Variants in CBLB observed in about 807,000 individuals in gnomAD.
The protein encoded by CBLB is Cbl proto-oncogene B, also known as E3 ubiquitin-protein ligase CBL-B.
CBLB carries 31 observed loss-of-function variants against 104.9 expected under a neutral mutation model. The ratio of observed to expected loss-of-function variants is 0.30; its 90% CI spans 0.22 to 0.40. CBLB has a LOEUF of 0.40. CBLB is among the 10% of genes least tolerant of loss of function. CBLB has a pLI of 1.00. For missense variants in CBLB, 1,062 were observed against 1,214.6 expected (o/e 0.87, Z 1.87); for synonymous variants, 440 against 422.6 (o/e 1.04, Z -0.51).
intron 2 of CBLB, among the ~76,000 whole-genome samples, chr3:105,861,503 G>A (rs1174602439): frequency 3.3e-5 from 5 of 151,436 alleles, no homozygotes; most frequent in African/African-American, 7.3e-5. Flanking sequence ...ACATTTATTC[G>A]CCAAGATTAA....
chr3:105,852,874 C>T (rs779903483), intron 3 of CBLB, among the ~76,000 whole-genome samples: 1 of 152,070 alleles, frequency 6.6e-6, no homozygotes, highest in Non-Finnish European at 1.5e-5. Context: ...TGTGCCACCA[C>T]GCCGGGCTAA....
At chr3:105,836,524 G>A (rs1166573281) in intron 3 of CBLB, among the ~76,000 whole-genome samples, 1 of 152,132 alleles carries the variant, frequency 6.6e-6, no homozygotes, top group African/African-American at 2.4e-5. Context: ...GTTTATCTTA[G>A]GGCTGGGTTT....
chr3:105,843,600 T>C (rs1234949916), intron 3 of CBLB, among the ~76,000 whole-genome samples: 4 of 152,004 alleles, frequency 2.6e-5, no homozygotes, highest in African/African-American at 7.2e-5. Flanking sequence ...GTAAGAATGT[T>C]AAAAAAAGGT....
At chr3:105,734,969 G>T (rs1230541341) in intron 8 of CBLB, among the ~76,000 whole-genome samples, 1 of 151,720 alleles carries the variant, frequency 6.6e-6, no homozygotes, top group Non-Finnish European at 1.5e-5. Flanking sequence ...TGGTAAATTT[G>T]AAAAAATACA....
In CBLB at chr3:105,702,089, C is replaced by A. The variant is rs2069212991; in HGVS notation, c.1959+5G>T. ...TCTCTAGCTTCTGCTTTGCGTATTTCTTACCTTAGCTCCTTCTAAAGGCAA... is the reference window on the plus strand; with the variant it reads ...TCTCTAGCTTCTGCTTTGCGTATTTATTACCTTAGCTCCTTCTAAAGGCAA... On this transcript the variant is annotated splice_donor_5th_base_variant and intron_variant, in intron 12 of 18. Coordinates refer to ENST00000394030, the MANE Select transcript of CBLB (RefSeq NM_170662.5). 1.9e-6 allele frequency: 3 copies of A among 1,613,950 alleles called. No individual in the cohort carries two copies. In the African/African-American group the frequency reaches 4.0e-5, roughly 22 times the overall value.
intron 5 of CBLB, among the ~76,000 whole-genome samples, chr3:105,748,069 G>C (rs908014072): frequency 6.6e-6 from 1 of 152,032 alleles, no homozygotes; most frequent in Non-Finnish European, 1.5e-5. Context: ...AAAGTATTTC[G>C]ACAACTACTG....
chr3:105,736,366 T>C lies in CBLB; in HGVS notation c.1071+805A>G, dbSNP rs75395673. 3.0e-4 allele frequency among the ~76,000 whole-genome samples: 46 copies of C among 152,224 alleles called. No individual in the cohort carries two copies. In the East Asian group the frequency reaches 8.9e-3, roughly 29 times the overall value. ...TTAATTAATTATTTCCTTACAGAAG[T>C]TGAACGTACATAATGCAACTTGACC... On this transcript the variant is annotated intron_variant, in intron 8 of 18. Coordinates refer to ENST00000394030, the MANE Select transcript of CBLB (RefSeq NM_170662.5).
chr3:105,693,524 G>A lies in CBLB; in HGVS notation c.2024C>T (p.Pro675Leu). The A allele has an allele frequency of 1.9e-6, 3 of 1,612,432 alleles. No individual in the cohort carries two copies. Among genetic ancestry groups the A allele is most frequent in the Non-Finnish European group, 2.5e-6 (3 of 1,178,660 alleles). ...YDVPPRLSPP[P>L]PVTTLLPSIK... Reference sequence around the variant, plus strand: ...GCTAGGGAGGAGGGTGGTAACTGGAGGAGGAGGAGAAAGCCGGGGAGGAAC... The same window carrying A: ...GCTAGGGAGGAGGGTGGTAACTGGAAGAGGAGGAGAAAGCCGGGGAGGAAC... The change falls in exon 13 of 19, where the codon CCT (proline) becomes CTT (leucine). Residue 675 changes from proline (P) to leucine (L), a missense_variant. By Grantham distance (98) the Pro-to-Leu change is moderately conservative (BLOSUM62 -3). Around this residue, in one of 2 missense-constraint regions of CBLB, gnomAD observed 605 missense variants for 582.6 expected, o/e 1.04. Transcript: ENST00000394030.
intron 14 of CBLB, chr3:105,682,058 C>A (rs557804699): frequency 2.1e-6 from 1 of 482,184 alleles, no homozygotes; most frequent in Non-Finnish European, 3.7e-6. Context: ...ATTACAAGGG[C>A]CACAAAAATT....
intron 12 of CBLB, among the ~76,000 whole-genome samples, chr3:105,700,261 T>C (rs1051774659): frequency 2.6e-5 from 4 of 152,116 alleles, no homozygotes; most frequent in Non-Finnish European, 5.9e-5. Context: ...TATAATAGCA[T>C]TAAAACTATA....
At chr3:105,671,014 A>G (rs1013086035) in intron 17 of CBLB, 21 of 177,546 alleles carry the variant, frequency 1.2e-4, no homozygotes, top group Admixed American at 6.3e-5. Flanking sequence ...AAAATGTGAT[A>G]ATTTACCACC....
intron 18 of CBLB, among the ~76,000 whole-genome samples, chr3:105,667,301 C>T (rs976373252): frequency 7.6e-4 from 1 of 1,324 alleles, no homozygotes. Context: ...ATTAATACAG[C>T]CTTTTAGTTT....
intron 3 of CBLB, among the ~76,000 whole-genome samples, chr3:105,780,067 G>C (rs1443407495): frequency 6.6e-6 from 1 of 151,612 alleles, no homozygotes; most frequent in Admixed American, 6.6e-5. Context: ...TGGTCAGGCT[G>C]GTCTCAAACT....
intron 9 of CBLB, among the ~76,000 whole-genome samples, chr3:105,725,834 ATTTAT>A (rs2073539099): frequency 6.6e-6 from 1 of 151,756 alleles, no homozygotes; most frequent in Non-Finnish European, 1.5e-5. Flanking sequence ...AGAGTAAAAC[ATTTAT>A]TTTATTTTAT....
At chr3:105,808,823 A>T (rs969357150) in intron 3 of CBLB, among the ~76,000 whole-genome samples, 4 of 152,226 alleles carry the variant, frequency 2.6e-5, no homozygotes, top group Non-Finnish European at 5.9e-5. Context: ...GCTTTCCTGT[A>T]ACAGTTTTTA....
At chr3:105,838,667 CTTT>C (rs58426302) in intron 3 of CBLB, among the ~76,000 whole-genome samples, 4 of 137,338 alleles carry the variant, frequency 2.9e-5, no homozygotes, top group Non-Finnish European at 3.2e-5. Flanking sequence ...ATGTATCCTT[CTTT>C]TTTTTTTTTT....
At position 105,835,211 on chromosome 3, in the gene CBLB, T is replaced by C. The variant is rs912958760; in HGVS notation, c.419+18203A>G. The stretch of plus-strand genomic sequence containing the variant: ...GCTTTCAGTTATGAATGTATTTTCC[T>C]ATATCATGAATAGTTCTAAAAACGA... On this transcript the variant is annotated intron_variant, in intron 3 of 18. Transcript: ENST00000394030. Among the ~76,000 whole-genome samples, 6 of 152,222 alleles carry C rather than the reference T, an allele frequency of 3.9e-5. 1 individual carries two copies. The highest frequency in any genetic ancestry group is 1.4e-4 in the African/African-American group (6 of 41,452).
At chr3:105,701,325 T>A (rs1476103794) in intron 12 of CBLB, among the ~76,000 whole-genome samples, 1 of 152,204 alleles carries the variant, frequency 6.6e-6, no homozygotes, top group Non-Finnish European at 1.5e-5. Flanking sequence ...TGGTTTAGTG[T>A]TTTTAAGTAT....
intron 2 of CBLB, among the ~76,000 whole-genome samples, chr3:105,860,338 A>C (rs1164619782): frequency 6.6e-6 from 1 of 152,210 alleles, no homozygotes; most frequent in African/African-American, 2.4e-5. Flanking sequence ...ATGAGTACAA[A>C]GTTTGGAGAA....
Sources: gnomAD v4.1 joint callset for allele counts (sites outside exome capture counted in the v4.1 genomes callset) on GRCh38, gnomAD v4.1.1 for gene constraint, gnomAD v4.1.1 regional missense constraint, MANE v1.5 for transcripts, NCBI Gene and HGNC (gene_info 2026-07-23, HGNC 2026-07-21) for gene names.